The following PKN2 variants were observed in gnomAD, a reference collection of about 807,000 sequenced individuals.
PKN2 encodes protein kinase N2.
Under a neutral mutation model 119.1 loss-of-function variants are expected in PKN2, and 38 were observed. The ratio of observed to expected loss-of-function variants is 0.32; its 90% CI spans 0.25 to 0.42. The LOEUF is 0.42. Among genes scored for constraint, PKN2 ranks in the 10% least tolerant of loss-of-function variants. PKN2 has a pLI of 1.00. For synonymous variants in PKN2, 390 were observed against 384.9 expected, an observed-to-expected ratio of 1.01 and a Z score of -0.15; for missense variants, 850 against 1,165.1, an observed-to-expected ratio of 0.73 and a Z score of 3.94.
intron 1 of PKN2, among the ~76,000 whole-genome samples, chr1:88,719,698 A>G (rs575332084): frequency 7.1e-4 from 108 of 152,270 alleles, no homozygotes; most frequent in African/African-American, 2.6e-3. Flanking sequence ...TTTGTGATAG[A>G]TCTATTCTAA....
intron 1 of PKN2, among the ~76,000 whole-genome samples, chr1:88,732,051 A>G (rs1280160205): frequency 6.6e-6 from 1 of 152,242 alleles, no homozygotes; most frequent in Non-Finnish European, 1.5e-5. Context: ...ACATGAGGTA[A>G]TTTAATTACA....
chr1:88,822,825 C>T (rs927268413), intron 17 of PKN2, among the ~76,000 whole-genome samples: 7 of 152,178 alleles, frequency 4.6e-5, no homozygotes, highest in Non-Finnish European at 7.4e-5. Flanking sequence ...GGTGACTACC[C>T]GCCTCGGCCT....
At position 88,834,498 on chromosome 1, in the gene PKN2, C is replaced by T. The variant is rs529606742; in HGVS notation, c.*1050C>T. 6.6e-6 allele frequency: 1 copy of T among 152,592 alleles called. No homozygotes were observed. The highest frequency in any genetic ancestry group is 2.1e-4 in the South Asian group (1 of 4,830). The allele number at this position is 152,592 out of a possible 1,614,324, so 9.5% of individuals were successfully genotyped here. A position where few individuals can be genotyped will look rare whatever the true frequency, so the allele number is the denominator to read the frequency against. The stretch of plus-strand genomic sequence containing the variant: ...TCATCACTTTTGTACAGTGGCCAAG[C>T]AGACACCTCAAACTCCAGCATTTAC... On this transcript the variant is annotated 3_prime_UTR_variant, in exon 22 of 22. Transcript: ENST00000370521.
At chr1:88,700,818 T>C (rs991190807) in intron 1 of PKN2, among the ~76,000 whole-genome samples, 2 of 152,232 alleles carry the variant, frequency 1.3e-5, no homozygotes, top group African/African-American at 2.4e-5. Flanking sequence ...TTCACTTCTG[T>C]CTGACAGTGG....
chr1:88,709,857 T>C (rs1168710519), intron 1 of PKN2, among the ~76,000 whole-genome samples: 1 of 152,104 alleles, frequency 6.6e-6, no homozygotes, highest in African/African-American at 2.4e-5. Context: ...AGCCTTGACT[T>C]TGAGAATGTA....
chr1:88,778,264 C>T (rs571243986), intron 6 of PKN2, among the ~76,000 whole-genome samples: 1 of 152,246 alleles, frequency 6.6e-6, no homozygotes, highest in Non-Finnish European at 1.5e-5. Flanking sequence ...TAAATTGAGA[C>T]CTGTCTCAGA....
intron 1 of PKN2, among the ~76,000 whole-genome samples, chr1:88,715,065 T>G (rs1667389511): frequency 6.6e-6 from 1 of 152,224 alleles, no homozygotes; most frequent in African/African-American, 2.4e-5. Flanking sequence ...GTTGATATGC[T>G]GGATTACATT....
chr1:88,820,203 TATATATATATA>T (rs1672200246), intron 16 of PKN2, among the ~76,000 whole-genome samples: 4 of 80,450 alleles, frequency 5.0e-5, no homozygotes, highest in Non-Finnish European at 9.3e-5. Flanking sequence ...TATATATATA[TATATATATATA>T]TATATATATA....
chr1:88,737,635 C>T (rs1445018379), intron 1 of PKN2, among the ~76,000 whole-genome samples: 1 of 152,202 alleles, frequency 6.6e-6, no homozygotes, highest in Non-Finnish European at 1.5e-5. Context: ...GAACACAAGT[C>T]TGTCATACTG....
At chr1:88,740,160 G>T (rs1418489398) in intron 1 of PKN2, among the ~76,000 whole-genome samples, 1 of 152,008 alleles carries the variant, frequency 6.6e-6, no homozygotes, top group African/African-American at 2.4e-5. Context: ...AAGTGACTTG[G>T]TCATCTTTAG....
At chr1:88,820,514 CAA>C (rs1229819803) in intron 16 of PKN2, among the ~76,000 whole-genome samples, 1 of 146,660 alleles carries the variant, frequency 6.8e-6, no homozygotes, top group Non-Finnish European at 1.5e-5. Flanking sequence ...GCTTGGGCAA[CAA>C]GAGCAAAACT....
intron 16 of PKN2, 49 bp downstream of exon 16, chr1:88,813,782 T>C: frequency 7.1e-7 from 1 of 1,403,838 alleles, no homozygotes; most frequent in Non-Finnish European, 9.6e-7. Context: ...ACTGATTTCA[T>C]TCTGGGAAGG....
chr1:88,746,029 G>A (rs1668755041), intron 2 of PKN2, among the ~76,000 whole-genome samples: 1 of 152,150 alleles, frequency 6.6e-6, no homozygotes, highest in Admixed American at 6.5e-5. Flanking sequence ...TCGACATGCA[G>A]AAGAAGGAAG....
intron 1 of PKN2, among the ~76,000 whole-genome samples, chr1:88,736,565 A>G (rs1475877460): frequency 6.6e-6 from 1 of 152,060 alleles, no homozygotes; most frequent in Admixed American, 6.6e-5. Flanking sequence ...GGGTTTTACC[A>G]TGTTAGACAG....
At chr1:88,826,943 CATT>C (rs1672522651) in intron 18 of PKN2, among the ~76,000 whole-genome samples, 1 of 151,864 alleles carries the variant, frequency 6.6e-6, no homozygotes, top group African/African-American at 2.4e-5. Context: ...AAATAAAAAT[CATT>C]ATGATAGTGT....
At chr1:88,692,944 A>G (rs1415638664) in intron 1 of PKN2, among the ~76,000 whole-genome samples, 1 of 152,198 alleles carries the variant, frequency 6.6e-6, no homozygotes, top group Non-Finnish European at 1.5e-5. Context: ...AAGTTATATT[A>G]ATAGTTTATG....
At chr1:88,690,391 C>T (rs1168997058) in intron 1 of PKN2, among the ~76,000 whole-genome samples, 2 of 152,092 alleles carry the variant, frequency 1.3e-5, no homozygotes, top group East Asian at 3.8e-4. Flanking sequence ...TACATTATTC[C>T]CTCATAAAAT....
At chr1:88,747,495 A>C (rs560800002) in intron 2 of PKN2, among the ~76,000 whole-genome samples, 3 of 152,300 alleles carry the variant, frequency 2.0e-5, no homozygotes, top group Admixed American at 2.0e-4. Context: ...ACTGATCTCT[A>C]AAATGGAGTA....
At chr1:88,831,491 A>G (rs967420113) in intron 19 of PKN2, among the ~76,000 whole-genome samples, 2 of 151,978 alleles carry the variant, frequency 1.3e-5, no homozygotes, top group Non-Finnish European at 2.9e-5. Context: ...TGAGTGTACT[A>G]CATTGTCCCA....
Sources: gnomAD v4.1 joint callset for allele counts (sites outside exome capture counted in the v4.1 genomes callset) on GRCh38, gnomAD v4.1.1 for gene constraint, MANE v1.5 for transcripts, NCBI Gene and HGNC (gene_info 2026-07-23, HGNC 2026-07-21) for gene names.